The following PCGF3 variants were observed in gnomAD, a reference collection of about 807,000 sequenced individuals.
The protein encoded by PCGF3 is polycomb group RING finger protein 3.
Under a neutral mutation model 33.1 loss-of-function variants are expected in PCGF3, and 7 were observed. That is an observed-to-expected ratio of 0.21 (90% CI 0.12 to 0.40). PCGF3 has a LOEUF of 0.40. Ranked by LOEUF, PCGF3 falls within the 10% of genes least tolerant of loss-of-function variation. PCGF3 has a pLI of 1.00. For synonymous variants in PCGF3, 153 were observed against 121.3 expected, an observed-to-expected ratio of 1.26 and a Z score of -1.72; for missense variants, 211 against 313.3, an observed-to-expected ratio of 0.67 and a Z score of 2.46.
intron 6 of PCGF3, among the ~76,000 whole-genome samples, chr4:743,071 G>T (rs906852933): frequency 1.3e-5 from 2 of 152,324 alleles, no homozygotes; most frequent in South Asian, 2.1e-4. Context: ...TGGCTCAGCC[G>T]TGAGGTCAGC....
chr4:753,950 T>C (rs1287858256), intron 8 of PCGF3, among the ~76,000 whole-genome samples: 1 of 152,122 alleles, frequency 6.6e-6, no homozygotes, highest in Non-Finnish European at 1.5e-5. Flanking sequence ...AACCCTACAT[T>C]CAGCTTCCCT....
chr4:764,288 A>G (rs534643501), intron 9 of PCGF3, among the ~76,000 whole-genome samples: 4 of 152,148 alleles, frequency 2.6e-5, no homozygotes, highest in Admixed American at 6.5e-5. Flanking sequence ...TTGTTCTTTA[A>G]AAAGTCTAAT....
At chr4:712,321 A>G (rs1742604606) in intron 1 of PCGF3, among the ~76,000 whole-genome samples, 1 of 152,252 alleles carries the variant, frequency 6.6e-6, no homozygotes. Flanking sequence ...CACTGAGTTA[A>G]GCAAAACTCC....
At chr4:735,656 C>T (rs980285972) in intron 5 of PCGF3, among the ~76,000 whole-genome samples, 13 of 152,258 alleles carry the variant, frequency 8.5e-5, no homozygotes, top group South Asian at 4.1e-4. Flanking sequence ...TGATGTGAGC[C>T]GGCCCTTGGA....
intron 8 of PCGF3, among the ~76,000 whole-genome samples, chr4:756,262 G>T (rs1175692605): frequency 6.6e-6 from 1 of 150,602 alleles, no homozygotes; most frequent in Non-Finnish European, 1.5e-5. Flanking sequence ...GCCCAGGCTG[G>T]AGTGTGGGGG....
chr4:749,432 A>G (rs957222357), intron 8 of PCGF3, among the ~76,000 whole-genome samples: 1 of 147,904 alleles, frequency 6.8e-6, no homozygotes, highest in African/African-American at 2.5e-5. Flanking sequence ...CCAAAGTTCT[A>G]GAATTACAGG....
At chr4:735,501 G>A (rs7672618) in intron 5 of PCGF3, among the ~76,000 whole-genome samples, 52,110 of 152,004 alleles carry the variant, frequency 0.34, 9,392 homozygotes, top group African/African-American at 0.45. Context: ...AGCGGAGATT[G>A]CGCCGTTGCA....
chr4:763,970 C>T (rs28624826), intron 9 of PCGF3, among the ~76,000 whole-genome samples: 10,379 of 152,216 alleles, frequency 0.068, 478 homozygotes, highest in South Asian at 0.16. Flanking sequence ...GGCTGTAGGC[C>T]GTGCGACTCC....
chr4:707,291 C>T (rs531364362), intron 1 of PCGF3, among the ~76,000 whole-genome samples: 1 of 152,076 alleles, frequency 6.6e-6, no homozygotes, highest in African/African-American at 2.4e-5. Context: ...CCAAAGAATG[C>T]CAGGACCCCA....
rs1560204560 is a variant in PCGF3, at chr4:733,057, C to CCA, written c.-9-614_-9-613insAC. Among the ~76,000 whole-genome samples the CCA allele has an allele frequency of 1.2e-3, 166 of 133,160 alleles. 1 individual carries two copies. In the Middle Eastern group the frequency reaches 0.032, roughly 26 times the overall value. 87.4% of individuals were successfully genotyped at this position (133,160 alleles called of 152,430 possible). A position where few individuals can be genotyped will look rare whatever the true frequency, so the allele number is the denominator to read the frequency against. On this transcript the variant is annotated intron_variant, in intron 3 of 10. Coordinates refer to ENST00000362003, the Ensembl canonical transcript of PCGF3. ...CTGTGAGGGTAGGGTGGGGCCCCTGCCGCGTGCTGCCTCCGCCCCTGCCCC... is the reference window on the plus strand; with the variant it reads ...CTGTGAGGGTAGGGTGGGGCCCCTGCCACGCGTGCTGCCTCCGCCCCTGCCCC...
At chr4:736,732 A>G (rs1373947797) in intron 5 of PCGF3, among the ~76,000 whole-genome samples, 2 of 150,176 alleles carry the variant, frequency 1.3e-5, no homozygotes, top group African/African-American at 2.5e-5. Flanking sequence ...CCCTGAGCGC[A>G]CGGGACGCGG....
At chr4:726,940 C>T (rs976004363) in intron 1 of PCGF3, among the ~76,000 whole-genome samples, 1 of 152,212 alleles carries the variant, frequency 6.6e-6, no homozygotes, top group Non-Finnish European at 1.5e-5. Context: ...CTTGCCTGGA[C>T]TGTGTGTGCC....
intron 1 of PCGF3, among the ~76,000 whole-genome samples, chr4:717,501 T>G (rs1742907233): frequency 6.6e-6 from 1 of 152,168 alleles, no homozygotes; most frequent in Non-Finnish European, 1.5e-5. Flanking sequence ...CGTCTCAGCC[T>G]CCTGAGTAGC....
intron 6 of PCGF3, among the ~76,000 whole-genome samples, chr4:740,231 C>T (rs762110759): frequency 4.7e-4 from 71 of 152,248 alleles, no homozygotes; most frequent in Non-Finnish European, 9.7e-4. Flanking sequence ...CCAACACGGT[C>T]CTGCCCCTCC....
intron 1 of PCGF3, among the ~76,000 whole-genome samples, chr4:729,099 C>CAAAAAAA (rs34927260): frequency 2.5e-5 from 1 of 40,252 alleles, no homozygotes. Flanking sequence ...GACTCCATCT[C>CAAAAAAA]AAAAAAAAAA....
chr4:711,487 G>C (rs1742563375), intron 1 of PCGF3, among the ~76,000 whole-genome samples: 2 of 122,908 alleles, frequency 1.6e-5, no homozygotes, highest in South Asian at 5.2e-4. Flanking sequence ...GTCTCGCTCT[G>C]TCGCCCAGGC....
At chr4:736,157 C>T (rs905899194) in intron 5 of PCGF3, among the ~76,000 whole-genome samples, 3 of 152,118 alleles carry the variant, frequency 2.0e-5, no homozygotes, top group Non-Finnish European at 4.4e-5. Flanking sequence ...AAGTGATTCT[C>T]CTGCCTCAGC....
At chr4:712,989 TG>T (rs1297790252) in intron 1 of PCGF3, among the ~76,000 whole-genome samples, 1 of 150,210 alleles carries the variant, frequency 6.7e-6, no homozygotes, top group Non-Finnish European at 1.5e-5. Flanking sequence ...GTGGGAGCTG[TG>T]GGCCTCATGG....
chr4:763,250 G>A (rs1022541213), intron 9 of PCGF3, among the ~76,000 whole-genome samples: 2 of 152,188 alleles, frequency 1.3e-5, no homozygotes, highest in African/African-American at 4.8e-5. Flanking sequence ...TGGGGACAGA[G>A]CAGGCCGAGG....
Sources: allele counts gnomAD v4.1 joint callset (sites outside exome capture counted in the v4.1 genomes callset), GRCh38; gene constraint gnomAD v4.1.1; transcripts MANE v1.5; gene names NCBI Gene and HGNC (gene_info 2026-07-23, HGNC 2026-07-21).